The following PDE4D variants were observed in gnomAD, a reference collection of about 807,000 sequenced individuals.
The protein encoded by PDE4D is 3',5'-cyclic-AMP phosphodiesterase 4D.
PDE4D carries 24 observed loss-of-function variants against 87.4 expected under a neutral mutation model. The observed-to-expected ratio is 0.27, with a 90% confidence interval of 0.20 to 0.39. PDE4D has a LOEUF of 0.39. Among genes scored for constraint, PDE4D ranks in the 10% least tolerant of loss-of-function variants. The pLI is 1.00. For synonymous variants in PDE4D, 384 were observed against 383.2 expected (o/e 1.00, Z -0.02); for missense variants, 714 against 1,041.0 (o/e 0.69, Z 4.32).
intron 1 of PDE4D, among the ~76,000 whole-genome samples, chr5:59,632,812 A>C (rs1031600344): frequency 1.3e-5 from 2 of 152,196 alleles, no homozygotes; most frequent in Non-Finnish European, 2.9e-5. Flanking sequence ...ATTCCAAAAA[A>C]CAGAATGCCT....
At chr5:59,744,938 CCAAA>C (rs1278040021) in intron 1 of PDE4D, among the ~76,000 whole-genome samples, 2 of 152,064 alleles carry the variant, frequency 1.3e-5, no homozygotes, top group Non-Finnish European at 1.5e-5. Context: ...TATGCCTATC[CCAAA>C]CATTCATTGT....
intron 1 of PDE4D, among the ~76,000 whole-genome samples, chr5:59,698,506 C>CA (rs11433607): frequency 0.26 from 39,029 of 151,898 alleles, 5,311 homozygotes; most frequent in African/African-American, 0.32. Flanking sequence ...CACCCACATT[C>CA]AATCCTATTA....
chr5:60,018,785 GCTAA>G lies in PDE4D; in HGVS notation c.43-30072_43-30069del, dbSNP rs3087198. Reference sequence around the variant, plus strand: ...TAAAGGGATTAATTCAACAAGAAGGGCTAACTATCCTAAATATATATGCACCCAA... The same window carrying G: ...TAAAGGGATTAATTCAACAAGAAGGGCTATCCTAAATATATATGCACCCAA... On this transcript the variant is annotated intron_variant, in intron 2 of 16. Transcript: ENST00000502484. Among the ~76,000 whole-genome samples, 752 of 152,206 alleles carry G rather than the reference GCTAA, an allele frequency of 4.9e-3. 1 individual carries two copies. Among genetic ancestry groups the G allele is most frequent in the African/African-American group, 0.017 (719 of 41,526 alleles).
intron 1 of PDE4D, among the ~76,000 whole-genome samples, chr5:59,437,702 T>C (rs1171143646): frequency 6.7e-6 from 1 of 149,746 alleles, no homozygotes; most frequent in Non-Finnish European, 1.5e-5. Context: ...AACTCCTATC[T>C]AGGAAAAAAA....
chr5:59,546,142 C>G (rs159194), intron 1 of PDE4D, among the ~76,000 whole-genome samples: 28 of 152,006 alleles, frequency 1.8e-4, no homozygotes, highest in Non-Finnish European at 3.5e-4. Context: ...TCCAATAGCA[C>G]AGTAAGCACT....
At chr5:59,280,698 C>T (rs1189087839) in intron 1 of PDE4D, among the ~76,000 whole-genome samples, 1 of 151,958 alleles carries the variant, frequency 6.6e-6, no homozygotes, top group Admixed American at 6.6e-5. Context: ...GCATTGATTC[C>T]TGATCCCAAT....
intron 1 of PDE4D, among the ~76,000 whole-genome samples, chr5:59,274,729 A>C (rs1251025933): frequency 6.6e-6 from 1 of 152,162 alleles, no homozygotes; most frequent in East Asian, 1.9e-4. Flanking sequence ...ATAGAACATT[A>C]GAATACATTG....
At chr5:60,470,197 C>T (rs1747709600) in intron 1 of PDE4D, among the ~76,000 whole-genome samples, 1 of 152,186 alleles carries the variant, frequency 6.6e-6, no homozygotes, top group African/African-American at 2.4e-5. Flanking sequence ...CCTTAAACCA[C>T]AGCTTAATCC....
intron 1 of PDE4D, among the ~76,000 whole-genome samples, chr5:59,767,381 TG>T (rs1762933046): frequency 6.6e-6 from 1 of 152,182 alleles, no homozygotes; most frequent in Non-Finnish European, 1.5e-5. Flanking sequence ...TTGGACTCAC[TG>T]ATCAGAGTTT....
chr5:60,397,633 G>A (rs1277117357), intron 1 of PDE4D, among the ~76,000 whole-genome samples: 3 of 152,180 alleles, frequency 2.0e-5, no homozygotes, highest in Non-Finnish European at 4.4e-5. Context: ...GTTTACTGGG[G>A]GCTAGGGACA....
chr5:60,514,258 T>C (rs1037968836), intron 1 of PDE4D, among the ~76,000 whole-genome samples: 3 of 152,104 alleles, frequency 2.0e-5, no homozygotes, highest in African/African-American at 7.2e-5. Context: ...TGTTGAATTC[T>C]GCCAAACAGA....
intron 2 of PDE4D, among the ~76,000 whole-genome samples, chr5:60,159,338 C>T (rs1782272185): frequency 6.6e-6 from 1 of 151,986 alleles, no homozygotes; most frequent in African/African-American, 2.4e-5. Flanking sequence ...TAGGAGTACA[C>T]ACTAAAACAA....
upstream of PDE4D, among the ~76,000 whole-genome samples, chr5:60,488,726 GAC>G (rs1749347668): frequency 6.6e-6 from 1 of 152,110 alleles, no homozygotes; most frequent in Non-Finnish European, 1.5e-5. Context: ...ACGGGGCTGA[GAC>G]AGGACAGGGA....
chr5:59,388,132 T>C (rs1002452441), intron 1 of PDE4D, among the ~76,000 whole-genome samples: 1 of 152,048 alleles, frequency 6.6e-6, no homozygotes, highest in Non-Finnish European at 1.5e-5. Flanking sequence ...TTCCAAAATA[T>C]ATAAGGAACT....
At chr5:59,577,308 TA>T in intron 1 of PDE4D, among the ~76,000 whole-genome samples, 1 of 152,156 alleles carries the variant, frequency 6.6e-6, no homozygotes, top group South Asian at 2.1e-4. Context: ...GAGAAGGAAT[TA>T]AGCAAAATAC....
At chr5:59,631,814 G>A (rs1274235937) in intron 1 of PDE4D, among the ~76,000 whole-genome samples, 1 of 151,128 alleles carries the variant, frequency 6.6e-6, no homozygotes, top group Non-Finnish European at 1.5e-5. Context: ...GCACAAAACT[G>A]GGTGGCTGTT....
At chr5:59,702,620 G>T (rs949009343) in intron 1 of PDE4D, among the ~76,000 whole-genome samples, 2 of 151,844 alleles carry the variant, frequency 1.3e-5, no homozygotes, top group Non-Finnish European at 2.9e-5. Context: ...TGTAATGCCC[G>T]CACTTTGGGA....
intron 1 of PDE4D, among the ~76,000 whole-genome samples, chr5:59,738,266 C>T (rs1223326816): frequency 7.2e-5 from 11 of 152,146 alleles, no homozygotes; most frequent in Admixed American, 7.2e-4. Context: ...TACCAAACAT[C>T]ACATTTGTCA....
In PDE4D at chr5:58,975,825, C is replaced by T. The variant is rs1743575475; in HGVS notation, c.1845G>A (p.Met615Ile). The change falls in exon 14 of 15, where the codon ATG becomes ATA. Residue 615 changes from methionine (M) to isoleucine (I), a missense_variant. This residue lies in a region of PDE4D where 97 missense variants were observed against 176.9 expected (regional missense o/e 0.55). Transcript: ENST00000340635. The surrounding 1 kb of genome is among the most constrained non-coding windows in gnomAD (Gnocchi z 4.2). ...GGTTGCTCAGATCTGCACAGTGCAC[C>T]ATATTCTGAAGAACCTAAAATAGAT... is the stretch of plus-strand genomic sequence containing the variant. ...YSDRIQVLQNMVHCADLSNPT... is the reference protein window; with the variant it reads ...YSDRIQVLQNIVHCADLSNPT... The T allele has an allele frequency of 1.3e-6, 2 of 1,534,314 alleles. No homozygotes were observed. The highest frequency in any genetic ancestry group is 1.8e-6 in the Non-Finnish European group (2 of 1,139,160).
Sources: gnomAD v4.1 joint callset for allele counts (sites outside exome capture counted in the v4.1 genomes callset) on GRCh38, gnomAD v4.1.1 for gene constraint, gnomAD v4.1.1 regional missense constraint, Gnocchi (gnomAD v3.1) non-coding constraint, MANE v1.5 for transcripts, NCBI Gene and HGNC (gene_info 2026-07-23, HGNC 2026-07-21) for gene names.